P2RX7: variants seen among roughly 807,000 people sequenced by gnomAD.
P2RX7 encodes the protein purinergic receptor P2X 7, also known as P2X purinoceptor 7.
Under a neutral mutation model 71.6 loss-of-function variants are expected in P2RX7, and 62 were observed. The ratio of observed to expected loss-of-function variants is 0.87; its 90% CI spans 0.71 to 1.07. The LOEUF (loss-of-function observed/expected upper bound fraction) is 1.07. Among genes scored for constraint, P2RX7 ranks in the 50% least tolerant of loss-of-function variants. P2RX7 has a pLI of 0.00. For missense variants in P2RX7, 686 were observed against 748.5 expected (o/e 0.92, Z 0.97); for synonymous variants, 299 against 283.3 (o/e 1.06, Z -0.56).
chr12:121,175,433 G>C lies in P2RX7; in HGVS notation c.927G>C (p.Leu309=). Reference sequence around the variant, plus strand: ...AAAACAATGTTGAGAAACGGACTCTGATAAAAGTCTTCGGGATCCGTTTTG... The same window carrying C: ...AAAACAATGTTGAGAAACGGACTCTCATAAAAGTCTTCGGGATCCGTTTTG... ...YKENNVEKRT[L]IKVFGIRFDI... is the part of the protein sequence containing the mutation. Residue 309 remains leucine (L), a synonymous_variant, in exon 9 of 13, where the codon CTG becomes CTC. Transcript: ENST00000328963. 2 of 1,596,080 alleles carry C rather than the reference G, an allele frequency of 1.3e-6. No individual in the cohort carries two copies. The highest frequency in any genetic ancestry group is 1.7e-6 in the Non-Finnish European group (2 of 1,163,744).
chr12:121,140,198 C>T (rs1481990068), intron 1 of P2RX7, among the ~76,000 whole-genome samples: 3 of 151,392 alleles, frequency 2.0e-5, no homozygotes, highest in Admixed American at 6.6e-5. Flanking sequence ...ACACACAGTA[C>T]GAAGAGAACA....
At chr12:121,163,352 A>G (rs1009543957) in intron 5 of P2RX7, among the ~76,000 whole-genome samples, 158 of 127,594 alleles carry the variant, frequency 1.2e-3, no homozygotes, top group Middle Eastern at 3.9e-3. Context: ...ACACACACAC[A>G]CACACGCACA....
Position 121,177,444 on chromosome 12 carries a change from C to A in P2RX7, c.1186C>A (p.Pro396Thr), listed in dbSNP as rs1275964572. 6.2e-7 allele frequency: 1 copy of A among 1,612,780 alleles called. No individual in the cohort carries two copies. Among genetic ancestry groups the A allele is most frequent in the East Asian group, 2.2e-5 (1 of 44,884 alleles). ...KKCESIVEPK[P>T]TLKYVSFVDE... is the part of the protein sequence containing the mutation. ...GTGCGAGTCCATTGTGGAGCCAAAGCCGGTGAGGCCGCTGTGTTCACAGGA... is the reference window on the plus strand; with the variant it reads ...GTGCGAGTCCATTGTGGAGCCAAAGACGGTGAGGCCGCTGTGTTCACAGGA... Residue 396 changes from proline to threonine, a missense_variant and splice_region_variant, in exon 11 of 13, where the codon CCG (proline) becomes ACG (threonine). Pro to Thr is a conservative substitution (Grantham distance 38). Transcript: ENST00000328963.
chr12:121,162,948 G>A (rs998694453), intron 5 of P2RX7, among the ~76,000 whole-genome samples: 1 of 151,530 alleles, frequency 6.6e-6, no homozygotes, highest in African/African-American at 2.4e-5. Context: ...GGAAGGGGAG[G>A]AAAAAGCAAA....
rs1456392857 is a variant in P2RX7 at position 121,136,019 on chromosome 12, A to AT, written c.125+2924_125+2925insT. 4.2e-3 allele frequency among the ~76,000 whole-genome samples: 75 copies of AT among 17,844 alleles called. 1 individual carries two copies. Among genetic ancestry groups the AT allele is most frequent in the African/African-American group, 4.9e-3 (71 of 14,398 alleles). The allele number at this position is 17,844 out of a possible 152,430, so 11.7% of individuals were successfully genotyped here. A position where few individuals can be genotyped will look rare whatever the true frequency, so the allele number is the denominator to read the frequency against. On this transcript the variant is annotated intron_variant, in intron 1 of 12. Transcript: ENST00000328963. ...ACTCTGTCTCAAAAAAAAAAAAAAA[A>AT]AAAAATATATATATATATATATAGT...
At chr12:121,139,151 G>A (rs531529030) in intron 1 of P2RX7, among the ~76,000 whole-genome samples, 6 of 152,176 alleles carry the variant, frequency 3.9e-5, no homozygotes, top group African/African-American at 1.4e-4. Flanking sequence ...CATGTTGGCC[G>A]GGCTGGTCTT....
At chr12:121,164,238 A>C (rs1312672062) in intron 5 of P2RX7, among the ~76,000 whole-genome samples, 2 of 152,182 alleles carry the variant, frequency 1.3e-5, no homozygotes, top group Non-Finnish European at 2.9e-5. Flanking sequence ...AGTTTCTCAT[A>C]TATTATATGA....
At chr12:121,140,334 G>A (rs897407778) in intron 1 of P2RX7, among the ~76,000 whole-genome samples, 1 of 152,168 alleles carries the variant, frequency 6.6e-6, no homozygotes, top group African/African-American at 2.4e-5. Context: ...GATTTTCAGT[G>A]CATGGGAAGC....
chr12:121,184,689 G>A lies in P2RX7; in HGVS notation c.1675G>A (p.Gly559Ser), dbSNP rs912742697. 19 of 1,573,406 alleles carry A rather than the reference G, an allele frequency of 1.2e-5. No homozygotes were observed. Among genetic ancestry groups the A allele is most frequent in the African/African-American group, 8.1e-5 (6 of 73,646 alleles). The change falls in exon 13 of 13, where the codon GGC becomes AGC. Residue 559 changes from glycine to serine, a missense_variant. Physicochemically the swap from Gly to Ser is moderately conservative, Grantham distance 56 (BLOSUM62 0). Coordinates refer to ENST00000328963, the MANE Select transcript of P2RX7 (RefSeq NM_002562.6). ...AYRCYATWRF[G>S]SQDMADFAIL... ...CAGGTGCTACGCCACCTGGCGCTTC[G>A]GCTCCCAGGACATGGCTGACTTTGC...
At chr12:121,155,228 A>G (rs1593051017) in intron 2 of P2RX7, 1 of 1,396,358 alleles carries the variant, frequency 7.2e-7, no homozygotes, top group Admixed American at 2.1e-5. Context: ...CGCTTGATTT[A>G]CCCGCAGCTT....
intron 2 of P2RX7, chr12:121,155,329 G>T (rs892849768): frequency 3.1e-6 from 4 of 1,302,112 alleles, no homozygotes; most frequent in Non-Finnish European, 4.0e-6. Flanking sequence ...CTTCTAGATT[G>T]TGTAGCATTT....
At chr12:121,150,741 T>G (rs1456949250) in intron 1 of P2RX7, among the ~76,000 whole-genome samples, 1 of 152,150 alleles carries the variant, frequency 6.6e-6, no homozygotes, top group South Asian at 2.1e-4. Flanking sequence ...AAACCCCATC[T>G]TTACTAAAAA....
intron 12 of P2RX7, among the ~76,000 whole-genome samples, chr12:121,181,236 T>C (rs1486807099): frequency 1.3e-5 from 2 of 152,246 alleles, no homozygotes; most frequent in African/African-American, 4.8e-5. Flanking sequence ...TTGTTCATGA[T>C]GCCATGTATA....
At chr12:121,162,237 C>A in intron 4 of P2RX7, 187 bp from the exon 5 acceptor site, 1 of 1,394,184 alleles carries the variant, frequency 7.2e-7, no homozygotes. Flanking sequence ...TTATGTTTTG[C>A]TTGTTTGCCT....
intron 1 of P2RX7, among the ~76,000 whole-genome samples, chr12:121,144,519 A>C (rs1232515009): frequency 1.3e-5 from 2 of 152,236 alleles, no homozygotes; most frequent in Non-Finnish European, 2.9e-5. Flanking sequence ...TTATTACAAA[A>C]GAAGAAACAA....
At chr12:121,133,411 C>A (rs1284354799) in intron 1 of P2RX7, among the ~76,000 whole-genome samples, 1 of 152,182 alleles carries the variant, frequency 6.6e-6, no homozygotes, top group Non-Finnish European at 1.5e-5. Context: ...AGGGAGGAGG[C>A]GAGGATCTCA....
intron 1 of P2RX7, among the ~76,000 whole-genome samples, chr12:121,140,399 C>A (rs1022033193): frequency 1.3e-5 from 2 of 152,206 alleles, no homozygotes; most frequent in African/African-American, 4.8e-5. Context: ...TTTCTAGAAG[C>A]CTTATGGGCC....
chr12:121,167,329 A>G (rs1038939712), intron 7 of P2RX7, among the ~76,000 whole-genome samples, 159 bp from the exon 8 acceptor site: 19 of 152,144 alleles, frequency 1.2e-4, no homozygotes, highest in East Asian at 3.9e-4. Context: ...GGCTGCCACA[A>G]TAACACTTGT....
At chr12:121,177,483 A>G in intron 11 of P2RX7, 37 bp downstream of exon 11, 1 of 1,597,660 alleles carries the variant, frequency 6.3e-7, no homozygotes, top group Non-Finnish European at 8.6e-7. Context: ...CAAGACATGG[A>G]GAGATTCCAT....
Sources: allele counts gnomAD v4.1 joint callset (sites outside exome capture counted in the v4.1 genomes callset), GRCh38; gene constraint gnomAD v4.1.1; transcripts MANE v1.5; gene names NCBI Gene and HGNC (gene_info 2026-07-23, HGNC 2026-07-21).